Variants in CDK19 observed in about 807,000 individuals in gnomAD.
CDK19 encodes the protein cyclin dependent kinase 19.
Under a neutral mutation model 68.3 loss-of-function variants are expected in CDK19, and 20 were observed. The ratio of observed to expected loss-of-function variants is 0.29; its 90% CI spans 0.21 to 0.43. The LOEUF (loss-of-function observed/expected upper bound fraction) is 0.43. Ranked by LOEUF, CDK19 falls within the 20% of genes least tolerant of loss-of-function variation. CDK19 has a pLI of 1.00. For missense variants in CDK19, 339 were observed against 623.5 expected, an observed-to-expected ratio of 0.54 and a Z score of 4.86; for synonymous variants, 221 against 222.8, an observed-to-expected ratio of 0.99 and a Z score of 0.07.
In CDK19 at chr6:110,614,625, TCCCTGAACG is replaced by T. The variant is rs768494034; in HGVS notation, c.1410_1418del (p.Ser470_Gly473delinsArg). 6.2e-7 allele frequency: 1 copy of T among 1,613,930 alleles called. No individual in the cohort carries two copies. The highest frequency in any genetic ancestry group is 1.1e-5 in the South Asian group (1 of 91,072). ...CAAGTGTGCTCTGGGACTGAGAGGA[TCCCTGAACG>T]CTGCTTTGGTAATTCAGGCGAGAAC... is the stretch of plus-strand genomic sequence containing the variant. On this transcript the variant is annotated inframe_deletion, in exon 13 of 13. Coordinates refer to ENST00000368911, the MANE Select transcript of CDK19 (RefSeq NM_015076.5).
chr6:110,764,243 T>C (rs1313722452), intron 1 of CDK19, among the ~76,000 whole-genome samples: 3 of 152,168 alleles, frequency 2.0e-5, no homozygotes, highest in African/African-American at 4.8e-5. Flanking sequence ...TTTGTGGACA[T>C]TGACAAACTG....
At chr6:110,655,277 A>C (rs1313035158) in intron 4 of CDK19, among the ~76,000 whole-genome samples, 2 of 151,896 alleles carry the variant, frequency 1.3e-5, no homozygotes, top group East Asian at 3.9e-4. Context: ...GAGGCAGGAG[A>C]ATTGCTTGAA....
chr6:110,615,693 C>G (rs1428575841), intron 12 of CDK19, among the ~76,000 whole-genome samples: 1 of 152,060 alleles, frequency 6.6e-6, no homozygotes, highest in Non-Finnish European at 1.5e-5. Context: ...ATAGTCCATC[C>G]CAAAACTAAA....
intron 1 of CDK19, among the ~76,000 whole-genome samples, chr6:110,780,351 C>T (rs1780716476): frequency 6.8e-6 from 1 of 147,000 alleles, no homozygotes; most frequent in East Asian, 2.0e-4. Context: ...GATCGCACCA[C>T]TGCACTCCAG....
At chr6:110,625,844 T>A (rs926558342) in intron 8 of CDK19, among the ~76,000 whole-genome samples, 1 of 152,236 alleles carries the variant, frequency 6.6e-6, no homozygotes, top group East Asian at 1.9e-4. Flanking sequence ...TCTATTTCTC[T>A]TTATGATGTC....
intron 1 of CDK19, among the ~76,000 whole-genome samples, chr6:110,808,933 G>A (rs143436989): frequency 3.6e-4 from 55 of 151,784 alleles, no homozygotes; most frequent in African/African-American, 1.3e-3. Flanking sequence ...GGGGCCAGGC[G>A]TGGTGGCTCA....
chr6:110,724,713 T>G (rs1323839842), intron 2 of CDK19, among the ~76,000 whole-genome samples: 1 of 152,170 alleles, frequency 6.6e-6, no homozygotes, highest in Non-Finnish European at 1.5e-5. Context: ...GGCAATCAAG[T>G]ACGGTGAATC....
At chr6:110,620,100 A>T (rs972563820) in intron 12 of CDK19, among the ~76,000 whole-genome samples, 2 of 152,074 alleles carry the variant, frequency 1.3e-5, no homozygotes, top group African/African-American at 4.8e-5. Flanking sequence ...TTTAATTGGA[A>T]CCAAGTGGAA....
intron 5 of CDK19, among the ~76,000 whole-genome samples, chr6:110,637,139 A>T (rs1000367892): frequency 6.6e-6 from 1 of 152,254 alleles, no homozygotes; most frequent in Non-Finnish European, 1.5e-5. Context: ...GTGGTTGTGT[A>T]AAATAAATGC....
intron 9 of CDK19, 66 bp from the exon 10 acceptor site, chr6:110,622,978 T>C: frequency 2.1e-6 from 2 of 963,852 alleles, no homozygotes; most frequent in Non-Finnish European, 3.4e-6. Flanking sequence ...ACCTTGTCTT[T>C]TGTATTACTG....
At chr6:110,781,354 C>A (rs184763596) in intron 1 of CDK19, among the ~76,000 whole-genome samples, 1 of 152,260 alleles carries the variant, frequency 6.6e-6, no homozygotes, top group East Asian at 1.9e-4. Context: ...AGCAAGAATT[C>A]ACTCATTACC....
chr6:110,643,805 G>A (rs1780358752), intron 4 of CDK19, among the ~76,000 whole-genome samples: 1 of 152,150 alleles, frequency 6.6e-6, no homozygotes, highest in Non-Finnish European at 1.5e-5. Context: ...TATAGGCAAA[G>A]CCAAGACAGG....
Position 110,673,203 on chromosome 6 carries a change from C to G in CDK19, c.205-2662G>C, listed in dbSNP as rs150655745. On this transcript the variant is annotated intron_variant, in intron 2 of 12. Coordinates refer to ENST00000368911, the MANE Select transcript of CDK19 (RefSeq NM_015076.5). ...TATAAGTGGAACCATACAGTGTCTG[C>G]CCACTTGTGTCTGCCTTTTTTTCAC... is the stretch of plus-strand genomic sequence containing the variant. Among the ~76,000 whole-genome samples, 834 of 152,214 alleles carry G rather than the reference C, an allele frequency of 5.5e-3. 5 individuals are homozygous for G. The highest frequency in any genetic ancestry group is 8.9e-3 in the Non-Finnish European group (606 of 68,008).
intron 1 of CDK19, among the ~76,000 whole-genome samples, chr6:110,769,337 G>A (rs1421564138): frequency 6.6e-6 from 1 of 151,822 alleles, no homozygotes; most frequent in African/African-American, 2.4e-5. Context: ...GGCTGAGGCA[G>A]GTGGATCATC....
intron 4 of CDK19, among the ~76,000 whole-genome samples, chr6:110,650,018 T>G (rs1780864472): frequency 6.6e-6 from 1 of 152,176 alleles, no homozygotes; most frequent in Non-Finnish European, 1.5e-5. Flanking sequence ...AAAATTGTGG[T>G]AGAGTCACAC....
chr6:110,752,879 T>TA (rs2114912182), intron 1 of CDK19, among the ~76,000 whole-genome samples: 3 of 152,228 alleles, frequency 2.0e-5, no homozygotes, highest in African/African-American at 7.2e-5. Context: ...TCCTTTTTCT[T>TA]ACAAACTGAT....
intron 1 of CDK19, among the ~76,000 whole-genome samples, chr6:110,780,901 G>T (rs1157262801): frequency 6.6e-6 from 1 of 152,074 alleles, no homozygotes; most frequent in Non-Finnish European, 1.5e-5. Context: ...AATGAAACTT[G>T]CAAGAAAGAG....
rs377373205 is a variant in CDK19, at chr6:110,735,064, G to A, written c.204+11062C>T. 7.3e-5 allele frequency among the ~76,000 whole-genome samples: 11 copies of A among 151,516 alleles called. No homozygotes were observed. The East Asian group carries it at 1.5e-3, about 21-fold the overall frequency. On this transcript the variant is annotated intron_variant, in intron 2 of 12. Coordinates refer to ENST00000368911, the MANE Select transcript of CDK19 (RefSeq NM_015076.5). ...GGTTATGGAAAGGAAAATCAGAATG[G>A]ATCAAAAATTTTAGATAATAGTCCA...
intron 4 of CDK19, chr6:110,645,746 C>T (rs769792592): frequency 1.8e-4 from 92 of 515,416 alleles, no homozygotes; most frequent in Non-Finnish European, 3.0e-4. Context: ...GTGGTGTCCA[C>T]GGTAATGCAT....
Sources: gnomAD v4.1 joint callset for allele counts (sites outside exome capture counted in the v4.1 genomes callset) on GRCh38, gnomAD v4.1.1 for gene constraint, MANE v1.5 for transcripts, NCBI Gene and HGNC (gene_info 2026-07-23, HGNC 2026-07-21) for gene names.